Variants in PRKCZ observed in about 807,000 individuals in gnomAD.
PRKCZ encodes the protein protein kinase C zeta type.
In PRKCZ, 33 loss-of-function variants were observed where a neutral mutation model predicts 79.5. The observed-to-expected ratio is 0.41, with a 90% CI of 0.31 to 0.55. PRKCZ has a LOEUF of 0.55. Among genes scored for constraint, PRKCZ ranks in the 20% least tolerant of loss-of-function variants. PRKCZ has a pLI of 0.19. For synonymous variants in PRKCZ, 342 were observed against 320.9 expected, an observed-to-expected ratio of 1.07 and a Z score of -0.70; for missense variants, 578 against 813.5, an observed-to-expected ratio of 0.71 and a Z score of 3.52.
In PRKCZ at chr1:2,172,214, C is replaced by G; in HGVS notation, c.1197+24C>G. 1 of 1,613,444 alleles carries G rather than the reference C, an allele frequency of 6.2e-7. No homozygotes were observed. The highest frequency in any genetic ancestry group is 8.5e-7 in the Non-Finnish European group (1 of 1,180,006). On this transcript the variant is annotated intron_variant, in intron 12 of 17. Transcript: ENST00000378567. This position sits in a 1 kb window ranked among gnomAD's most constrained non-coding sequence, Gnocchi z 7.8. ...AGGTGCGTGCCTTGGACCGCCTCCCCTGACCATCCCGCATGTGCGTCTCGG... is the reference window on the plus strand; with the variant it reads ...AGGTGCGTGCCTTGGACCGCCTCCCGTGACCATCCCGCATGTGCGTCTCGG...
At chr1:2,169,311 C>T (rs1304697735) in intron 10 of PRKCZ, 1 of 617,064 alleles carries the variant, frequency 1.6e-6, no homozygotes, top group Admixed American at 2.1e-5. Context: ...GCATGACTCC[C>T]TCACCTGCAC....
chr1:2,059,715 G>C (rs1195078372), intron 4 of PRKCZ, 124 bp downstream of exon 4: 2 of 1,311,296 alleles, frequency 1.5e-6, no homozygotes, highest in Middle Eastern at 1.8e-4. Context: ...GTCAGGGCAG[G>C]AGCAGCCGTG....
intron 7 of PRKCZ, among the ~76,000 whole-genome samples, chr1:2,147,516 C>T (rs1267062367): frequency 6.7e-6 from 1 of 149,862 alleles, no homozygotes; most frequent in Non-Finnish European, 1.5e-5. Flanking sequence ...TCCATCTGTT[C>T]ATCTATCTGT....
intron 4 of PRKCZ, among the ~76,000 whole-genome samples, chr1:2,108,519 T>C (rs1173287798): frequency 6.6e-6 from 1 of 152,238 alleles, no homozygotes; most frequent in African/African-American, 2.4e-5. Context: ...CTGGGCTGGC[T>C]GCGAGGAGGA....
chr1:2,058,306 ATTTTTTTT>A (rs35722361), intron 3 of PRKCZ, among the ~76,000 whole-genome samples: 1 of 125,350 alleles, frequency 8.0e-6, no homozygotes, highest in South Asian at 2.4e-4. Flanking sequence ...CCCGGCCCCA[ATTTTTTTT>A]TTTTTTTTTT....
rs1684616811 is a variant in PRKCZ at position 2,172,445 on chromosome 1, G to A, written c.1285+57G>A. On this transcript the variant is annotated intron_variant, in intron 13 of 17. Transcript: ENST00000378567. The surrounding 1 kb of genome is among the most constrained non-coding windows in gnomAD (Gnocchi z 7.8). ...CACACAGGGCCAGAGATGGCTTCGG[G>A]CCTGGCCCAGCAGCCAGGGAGAGGT... 1.3e-6 allele frequency: 2 copies of A among 1,536,618 alleles called. No homozygotes were observed. Among genetic ancestry groups the A allele is most frequent in the Admixed American group, 3.8e-5 (2 of 53,004 alleles).
intron 4 of PRKCZ, among the ~76,000 whole-genome samples, chr1:2,120,387 C>T (rs1017841019): frequency 2.0e-5 from 3 of 147,296 alleles, no homozygotes; most frequent in Non-Finnish European, 4.5e-5. Context: ...GCAATCTCCA[C>T]CTCCCCGGTT....
Position 2,150,825 on chromosome 1 carries a change from C to A in PRKCZ, c.723C>A (p.Ile241=). The A allele has an allele frequency of 6.2e-7, 1 of 1,614,152 alleles. No homozygotes were observed. The highest frequency in any genetic ancestry group is 8.5e-7 in the Non-Finnish European group (1 of 1,180,020). ...LKPVIDGMDG[I]KISQGLGLQD... is the part of the protein sequence containing the mutation. ...CAGTTATCGATGGGATGGATGGAAT[C>A]AAAATCTCTCAGGGGCTTGGGCTGC... The change falls in exon 9 of 18, where the codon ATC becomes ATA. Residue 241 remains isoleucine (I), a synonymous_variant. Coordinates refer to ENST00000378567, the MANE Select transcript of PRKCZ (RefSeq NM_002744.6).
rs368731287 is a variant in PRKCZ at position 2,059,624 on chromosome 1, A to G, written c.334+33A>G. ...CTGGGGTTTCCTACGCCGGTCTCGC[A>G]TGTTACGGGGTTGAACTGTTGATCC... On this transcript the variant is annotated intron_variant, in intron 4 of 17. Coordinates refer to ENST00000378567, the MANE Select transcript of PRKCZ (RefSeq NM_002744.6). The G allele has an allele frequency of 5.0e-6, 8 of 1,612,434 alleles. No individual in the cohort carries two copies. The African/African-American group carries it at 5.3e-5, about 11-fold the overall frequency.
At chr1:2,143,230 C>A (rs751816049) in intron 5 of PRKCZ, 1 of 152,078 alleles carries the variant, frequency 6.6e-6, no homozygotes, top group Non-Finnish European at 1.5e-5. Context: ...GGGGTTTCAC[C>A]GTGTTAGCCA....
At chr1:2,056,638 C>A in intron 3 of PRKCZ, 65 bp downstream of exon 3, 1 of 1,410,422 alleles carries the variant, frequency 7.1e-7, no homozygotes, top group South Asian at 1.3e-5. Flanking sequence ...TGTCTGCCGA[C>A]TAGCTGGGGG....
intron 4 of PRKCZ, among the ~76,000 whole-genome samples, chr1:2,093,070 T>G (rs2102500129): frequency 6.6e-6 from 1 of 151,784 alleles, no homozygotes; most frequent in Non-Finnish European, 1.5e-5. Flanking sequence ...GATGCCAATG[T>G]GATGGGTGGT....
rs138402201 is a variant in PRKCZ, at chr1:2,182,015, G to A, written c.1576-2568G>A. On this transcript the variant is annotated intron_variant, in intron 16 of 17. Transcript: ENST00000378567. ...TGGCCTGGCCGTGGATGCTGCCTGT[G>A]GCCCAGCTTTGAGACACCGCCCTGA... is the stretch of plus-strand genomic sequence containing the variant. The A allele has an allele frequency of 2.1e-3, 788 of 368,976 alleles. 5 individuals are homozygous for A. The highest frequency in any genetic ancestry group is 9.8e-3 in the African/African-American group (468 of 47,694). 22.9% of individuals were successfully genotyped at this position (368,976 alleles called of 1,614,324 possible).
chr1:2,118,005 T>TTTTTTTTTTC, intron 4 of PRKCZ, among the ~76,000 whole-genome samples: 1 of 132,820 alleles, frequency 7.5e-6, no homozygotes, highest in Non-Finnish European at 1.6e-5. Flanking sequence ...TTTCTTTTTT[T>TTTTTTTTTTC]TTTTTTTTTG....
At chr1:2,124,732 C>T (rs974577236) in intron 4 of PRKCZ, among the ~76,000 whole-genome samples, 34 of 152,208 alleles carry the variant, frequency 2.2e-4, no homozygotes, top group Non-Finnish European at 3.7e-4. Flanking sequence ...TTTTTGTCTC[C>T]AGTGAGATGC....
At chr1:2,050,793 G>A in intron 1 of PRKCZ, 92 bp downstream of exon 1, 9 of 865,556 alleles carry the variant, frequency 1.0e-5, no homozygotes, top group Non-Finnish European at 1.4e-5. Flanking sequence ...GAGGGAGAGA[G>A]GGAAGGGGCG....
In PRKCZ at chr1:2,065,488, T is replaced by C. The variant is rs78781018; in HGVS notation, c.334+5897T>C. 0.011 allele frequency among the ~76,000 whole-genome samples: 1,702 copies of C among 152,076 alleles called. 138 individuals carry two copies. In the East Asian group the frequency reaches 0.21, roughly 19 times the overall value. On this transcript the variant is annotated intron_variant, in intron 4 of 17. Transcript: ENST00000378567. ...GGTCAGGAGATCGAGATCGTCCTGG[T>C]TAACACAGTGAAACCCCGTTCTCTA...
intron 16 of PRKCZ, among the ~76,000 whole-genome samples, chr1:2,181,068 C>A (rs1449167357): frequency 1.3e-5 from 2 of 151,680 alleles, no homozygotes; most frequent in South Asian, 2.1e-4. Flanking sequence ...CCCAGCCCCC[C>A]AGCCCTGCTG....
chr1:2,140,600 T>C (rs1677115215), intron 5 of PRKCZ, among the ~76,000 whole-genome samples: 1 of 151,872 alleles, frequency 6.6e-6, no homozygotes, highest in Non-Finnish European at 1.5e-5. Flanking sequence ...GAGGTTTCAG[T>C]GAGCTGAGAA....
Sources: gnomAD v4.1 joint callset for allele counts (sites outside exome capture counted in the v4.1 genomes callset) on GRCh38, gnomAD v4.1.1 for gene constraint, Gnocchi (gnomAD v3.1) non-coding constraint, MANE v1.5 for transcripts, NCBI Gene and HGNC (gene_info 2026-07-23, HGNC 2026-07-21) for gene names.